LEKR1: variants seen among roughly 807,000 people sequenced by gnomAD.
LEKR1 encodes the protein protein LEKR1.
A neutral mutation model predicts 72.4 loss-of-function variants in LEKR1; 59 were observed. The ratio of observed to expected loss-of-function variants is 0.82; its 90% confidence interval spans 0.66 to 1.01. The LOEUF is 1.01. Among genes scored for constraint, LEKR1 ranks in the 50% least tolerant of loss-of-function variants. LEKR1 has a pLI of 0.00. For missense variants in LEKR1, 728 were observed against 759.2 expected, an observed-to-expected ratio of 0.96 and a Z score of 0.48; for synonymous variants, 257 against 263.2, an observed-to-expected ratio of 0.98 and a Z score of 0.23.
In LEKR1 at chr3:156,923,359, C is replaced by G. The variant is rs953618450; in HGVS notation, c.383+2665C>G. Among the ~76,000 whole-genome samples, 5 of 152,166 alleles carry G rather than the reference C, an allele frequency of 3.3e-5. No homozygotes were observed. In the South Asian group the frequency reaches 1.0e-3, roughly 31 times the overall value. On this transcript the variant is annotated intron_variant, in intron 4 of 12. Coordinates refer to ENST00000356539, the MANE Select transcript of LEKR1 (RefSeq NM_001004316.3). ...ATCTCTGTGCTCACCTTCAGCTCACCAGGCAACTAACATTTCTCTTTCTAT... is the reference window on the plus strand; with the variant it reads ...ATCTCTGTGCTCACCTTCAGCTCACGAGGCAACTAACATTTCTCTTTCTAT...
chr3:157,044,858 C>T (rs181531147), intron 12 of LEKR1, among the ~76,000 whole-genome samples: 3 of 152,258 alleles, frequency 2.0e-5, no homozygotes, highest in Admixed American at 2.0e-4. Flanking sequence ...TTCTTTCAAT[C>T]TTATACTTCA....
At chr3:156,967,908 T>C (rs148542315) in intron 6 of LEKR1, among the ~76,000 whole-genome samples, 23,818 of 152,118 alleles carry the variant, frequency 0.16, 2,122 homozygotes, top group South Asian at 0.25. Flanking sequence ...GGAAGCCCAT[T>C]AGACTAACAG....
At chr3:156,880,169 C>T (rs1230561727) in intron 3 of LEKR1, among the ~76,000 whole-genome samples, 1 of 152,192 alleles carries the variant, frequency 6.6e-6, no homozygotes, top group African/African-American at 2.4e-5. Context: ...CCCATGAAAG[C>T]AGCAAAGAGT....
intron 3 of LEKR1, among the ~76,000 whole-genome samples, chr3:156,874,305 TA>T (rs544134741): frequency 6.6e-6 from 1 of 152,000 alleles, no homozygotes; most frequent in Admixed American, 6.5e-5. Flanking sequence ...TCTCTTTTTT[TA>T]AAAAAAGGAT....
At chr3:156,953,554 G>A (rs560000676) in intron 6 of LEKR1, among the ~76,000 whole-genome samples, 1 of 151,612 alleles carries the variant, frequency 6.6e-6, no homozygotes, top group Non-Finnish European at 1.5e-5. Context: ...TTCCCCATGT[G>A]TCCATATGTT....
intron 3 of LEKR1, among the ~76,000 whole-genome samples, chr3:156,889,817 G>A (rs1720476477): frequency 6.6e-6 from 1 of 152,158 alleles, no homozygotes; most frequent in Non-Finnish European, 1.5e-5. Flanking sequence ...AAAGTACAGT[G>A]TACAAGTAAA....
At chr3:157,045,252 C>G in intron 12 of LEKR1, 88 bp from the exon 13 acceptor site, 1 of 1,103,046 alleles carries the variant, frequency 9.1e-7, no homozygotes, top group Non-Finnish European at 1.3e-6. Context: ...ATTTCCAGTT[C>G]TGTTCTCAAA....
Position 156,968,600 on chromosome 3 carries a change from A to G in LEKR1, c.746-10594A>G, listed in dbSNP as rs1560114794. Among the ~76,000 whole-genome samples the G allele has an allele frequency of 2.0e-5, 3 of 152,348 alleles. No homozygotes were observed. The South Asian group carries it at 6.2e-4, about 32-fold the overall frequency. On this transcript the variant is annotated intron_variant, in intron 6 of 12. Transcript: ENST00000356539. ...TCCTAAATATATATGCACCCAATAC[A>G]GGAGCACCAAGATTCATAAAGCAAG...
At chr3:156,873,715 T>C (rs1380350049) in intron 3 of LEKR1, among the ~76,000 whole-genome samples, 1 of 152,056 alleles carries the variant, frequency 6.6e-6, no homozygotes, top group African/African-American at 2.4e-5. Context: ...TTTGCATGTC[T>C]GGAAAAGACT....
chr3:156,886,683 G>A (rs1377233429), intron 3 of LEKR1, among the ~76,000 whole-genome samples: 1 of 152,122 alleles, frequency 6.6e-6, no homozygotes, highest in Non-Finnish European at 1.5e-5. Flanking sequence ...ATCTCTAGGT[G>A]AGGTTAAAAC....
At chr3:156,929,382 C>T (rs1725001469) in intron 5 of LEKR1, among the ~76,000 whole-genome samples, 2 of 151,924 alleles carry the variant, frequency 1.3e-5, no homozygotes, top group African/African-American at 4.8e-5. Flanking sequence ...GGAAAAATTC[C>T]TGGGCTAAAT....
intron 6 of LEKR1, among the ~76,000 whole-genome samples, chr3:156,950,594 TTG>T (rs750137475): frequency 1.3e-5 from 2 of 150,038 alleles, no homozygotes; most frequent in Non-Finnish European, 1.5e-5. Context: ...CCTAGGAATT[TTG>T]TGTGTGTGTG....
rs550377442 is a variant in LEKR1, at chr3:156,855,196, C to G, written c.263+2214C>G. Among the ~76,000 whole-genome samples the G allele has an allele frequency of 2.7e-4, 41 of 152,182 alleles. No homozygotes were observed. In the South Asian group the frequency reaches 3.5e-3, roughly 13 times the overall value. ...TGGAACTACTGAAAGAAAGCAAATG[C>G]CAGTTTAAAATTTTGATGGGTATTA... On this transcript the variant is annotated intron_variant, in intron 3 of 12. Transcript: ENST00000356539.
chr3:156,933,025 G>A (rs4589888), intron 5 of LEKR1, among the ~76,000 whole-genome samples: 77,033 of 151,748 alleles, frequency 0.51, 21,232 homozygotes, highest in East Asian at 0.73. Flanking sequence ...GTGAGACTCC[G>A]TCTCAAACAA....
intron 5 of LEKR1, among the ~76,000 whole-genome samples, chr3:156,930,644 A>T (rs1345959673): frequency 6.6e-6 from 1 of 152,176 alleles, no homozygotes; most frequent in Non-Finnish European, 1.5e-5. Context: ...TATTCAAACA[A>T]TCCAAAAAAT....
chr3:156,874,179 A>T (rs1718295867), intron 3 of LEKR1, among the ~76,000 whole-genome samples: 1 of 152,120 alleles, frequency 6.6e-6, no homozygotes, highest in East Asian at 1.9e-4. Flanking sequence ...CATTCAATGA[A>T]TTCTTCAGTT....
chr3:157,032,806 C>G (rs376734497), intron 12 of LEKR1, among the ~76,000 whole-genome samples: 33 of 99,770 alleles, frequency 3.3e-4, no homozygotes, highest in African/African-American at 1.0e-3. Context: ...TCCACAGATA[C>G]TGTGGTTTTT....
chr3:156,848,664 T>G (rs1303022339), intron 2 of LEKR1, among the ~76,000 whole-genome samples: 2 of 152,208 alleles, frequency 1.3e-5, no homozygotes, highest in African/African-American at 2.4e-5. Context: ...TGAAATATGC[T>G]GAATAATAGA....
chr3:156,980,401 A>G (rs1209057880), intron 7 of LEKR1, among the ~76,000 whole-genome samples: 22 of 152,206 alleles, frequency 1.4e-4, no homozygotes, highest in Admixed American at 1.4e-3. Flanking sequence ...ATACTTTATA[A>G]CACTGTGGTT....
Sources: allele counts gnomAD v4.1 joint callset (sites outside exome capture counted in the v4.1 genomes callset), GRCh38; gene constraint gnomAD v4.1.1; transcripts MANE v1.5; gene names NCBI Gene and HGNC (gene_info 2026-07-23, HGNC 2026-07-21).